The following PHIP variants were observed in gnomAD, a reference collection of about 807,000 sequenced individuals.
PHIP encodes the protein PH-interacting protein.
In PHIP, 54 loss-of-function variants were observed where a neutral mutation model predicts 236.8. The observed-to-expected ratio is 0.23, with a 90% confidence interval of 0.18 to 0.29. PHIP has a LOEUF of 0.29. Among genes scored for constraint, PHIP ranks in the 10% least tolerant of loss-of-function variants. The pLI is 1.00. For missense variants in PHIP, 1,370 were observed against 2,190.8 expected (o/e 0.63, Z 7.48); for synonymous variants, 756 against 718.9 (o/e 1.05, Z -0.83).
intron 22 of PHIP, 56 bp from the exon 23 acceptor site, chr6:78,983,173 T>C (rs978948076): frequency 6.6e-6 from 6 of 911,492 alleles, no homozygotes; most frequent in Non-Finnish European, 9.7e-6. Flanking sequence ...TTAAGACTTG[T>C]TTTATAAAAA....
chr6:79,026,119 T>TC lies in PHIP; in HGVS notation c.645dup (p.Arg216GlufsTer12). On this transcript the variant is annotated frameshift_variant, in exon 8 of 40. Transcript: ENST00000275034. LOFTEE classifies it high-confidence loss of function. ...TGTCCTCTTAAGGTAGCTAACAACCTCCCATCATCTGTTGCCCATATTTTC... is the reference window on the plus strand; with the variant it reads ...TGTCCTCTTAAGGTAGCTAACAACCTCCCCATCATCTGTTGCCCATATTTTC... 1 of 1,613,992 alleles carries TC rather than the reference T, an allele frequency of 6.2e-7. No homozygotes were observed.
chr6:79,037,164 C>T (rs1015563729), intron 7 of PHIP, among the ~76,000 whole-genome samples: 2 of 152,034 alleles, frequency 1.3e-5, no homozygotes, highest in Non-Finnish European at 2.9e-5. Flanking sequence ...CCCATATACA[C>T]TATATTTAAC....
chr6:78,965,653 T>C, intron 29 of PHIP, 50 bp downstream of exon 29: 1 of 1,013,968 alleles, frequency 9.9e-7, no homozygotes. Context: ...AATAATTTCT[T>C]AAGAAATTAA....
intron 3 of PHIP, 67 bp from the exon 4 acceptor site, chr6:79,077,574 CGCCCCGCGCCCCGGCGGGGACCCCGA>C (rs1375632207): frequency 1.0e-4 from 101 of 975,336 alleles, no homozygotes; most frequent in Non-Finnish European, 1.2e-4. Context: ...CTCCCCCGCC[CGCCCCGCGCCCCGGCGGGGACCCCGA>C]GCCCCGCGCC....
intron 27 of PHIP, among the ~76,000 whole-genome samples, chr6:78,968,466 T>C (rs1767297285): frequency 6.6e-6 from 1 of 152,220 alleles, no homozygotes; most frequent in African/African-American, 2.4e-5. Flanking sequence ...TCCATGAATA[T>C]GGAAGGGCCA....
At chr6:78,958,725 T>C (rs747113119) in intron 31 of PHIP, 125 bp from the exon 32 acceptor site, 12 of 658,416 alleles carry the variant, frequency 1.8e-5, no homozygotes, top group Non-Finnish European at 3.2e-5. Context: ...CCATTGGTCT[T>C]ATAAAGTCAT....
intron 15 of PHIP, among the ~76,000 whole-genome samples, chr6:79,004,854 C>T (rs1008369522): frequency 1.3e-5 from 2 of 152,006 alleles, no homozygotes; most frequent in African/African-American, 4.8e-5. Flanking sequence ...ATGTACAGTT[C>T]ACCAAATGCA....
At chr6:79,016,515 T>C in intron 13 of PHIP, 29 bp downstream of exon 13, 3 of 1,369,844 alleles carry the variant, frequency 2.2e-6, no homozygotes, top group Non-Finnish European at 3.1e-6. Context: ...AATCAATATA[T>C]ACATAATATT....
At chr6:79,002,612 G>A (rs1445017744) in intron 16 of PHIP, among the ~76,000 whole-genome samples, 1 of 152,086 alleles carries the variant, frequency 6.6e-6, no homozygotes, top group Non-Finnish European at 1.5e-5. Flanking sequence ...AGTGTGAATA[G>A]GGTTTGGTAC....
intron 24 of PHIP, 37 bp from the exon 25 acceptor site, chr6:78,970,925 GT>G: frequency 7.1e-7 from 1 of 1,411,560 alleles, no homozygotes; most frequent in South Asian, 1.2e-5. Flanking sequence ...ACCTGGATGT[GT>G]TTCCTTTAAT....
At chr6:78,945,679 T>C (rs2127681918) in intron 38 of PHIP, 182 bp from the exon 39 acceptor site, 2 of 620,328 alleles carry the variant, frequency 3.2e-6, no homozygotes, top group East Asian at 5.7e-5. Context: ...CTTAATAGTT[T>C]CAGCCCTTTT....
intron 18 of PHIP, 97 bp downstream of exon 18, chr6:78,998,157 G>A (rs566630514): frequency 3.6e-5 from 30 of 822,822 alleles, no homozygotes; most frequent in Non-Finnish European, 4.6e-5. Context: ...TTCATTTTAC[G>A]GATGTACCAT....
chr6:79,042,811 T>C lies in PHIP; in HGVS notation c.600+32A>G, dbSNP rs769396958. 2.7e-6 allele frequency: 4 copies of C among 1,475,020 alleles called. No individual in the cohort carries two copies. The South Asian group carries it at 3.9e-5, about 14-fold the overall frequency. 91.4% of individuals were successfully genotyped at this position (1,475,020 alleles called of 1,614,324 possible). A position where few individuals can be genotyped will look rare whatever the true frequency, so the allele number is the denominator to read the frequency against. ...AGCAATATTTCCTCAATTACATATA[T>C]GAATATAAATAATACTTTAGCAATT... On this transcript the variant is annotated intron_variant, in intron 7 of 39. Coordinates refer to ENST00000275034, the MANE Select transcript of PHIP (RefSeq NM_017934.7).
At chr6:78,965,432 A>G (rs903454438) in intron 29 of PHIP, among the ~76,000 whole-genome samples, 3 of 152,184 alleles carry the variant, frequency 2.0e-5, no homozygotes, top group Admixed American at 6.5e-5. Flanking sequence ...CCAAATGCAC[A>G]CTTTCTTGGG....
At chr6:79,058,745 A>G (rs1773200309) in intron 6 of PHIP, among the ~76,000 whole-genome samples, 1 of 152,148 alleles carries the variant, frequency 6.6e-6, no homozygotes, top group African/African-American at 2.4e-5. Flanking sequence ...CTCACAAAGC[A>G]AATGTTATTT....
intron 22 of PHIP, 99 bp from the exon 23 acceptor site, chr6:78,983,216 A>G (rs1336602881): frequency 1.7e-6 from 1 of 597,996 alleles, no homozygotes; most frequent in Non-Finnish European, 2.8e-6. Context: ...GAGAAATGAC[A>G]GAACAAATAC....
chr6:79,022,109 A>G (rs1771148347), intron 9 of PHIP, among the ~76,000 whole-genome samples: 1 of 152,224 alleles, frequency 6.6e-6, no homozygotes, highest in Admixed American at 6.5e-5. Context: ...TATTTGAGGA[A>G]ACATTTTTAA....
intron 29 of PHIP, among the ~76,000 whole-genome samples, chr6:78,965,136 A>G (rs1304798650): frequency 6.6e-6 from 1 of 152,154 alleles, no homozygotes; most frequent in African/African-American, 2.4e-5. Flanking sequence ...TTACAACTAT[A>G]TCTTCATTGA....
chr6:78,942,422 G>A (rs1773553687), intron 39 of PHIP, among the ~76,000 whole-genome samples: 1 of 152,220 alleles, frequency 6.6e-6, no homozygotes, highest in South Asian at 2.1e-4. Flanking sequence ...GGCGGAGGTT[G>A]CAGTGAGCTG....
Sources: gnomAD v4.1 joint callset for allele counts (sites outside exome capture counted in the v4.1 genomes callset) on GRCh38, gnomAD v4.1.1 for gene constraint, MANE v1.5 for transcripts, NCBI Gene and HGNC (gene_info 2026-07-23, HGNC 2026-07-21) for gene names.